Variants in KCNIP4 observed in about 807,000 individuals in gnomAD.
KCNIP4 encodes potassium voltage-gated channel interacting protein 4.
A neutral mutation model predicts 34.0 loss-of-function variants in KCNIP4; 12 were observed. That is an observed-to-expected ratio of 0.35 (90% CI 0.23 to 0.57). The LOEUF (loss-of-function observed/expected upper bound fraction) is 0.57. KCNIP4 is among the 20% of genes least tolerant of loss of function. The pLI is 0.83. For synonymous variants in KCNIP4, 124 were observed against 102.2 expected (o/e 1.21, Z -1.29); for missense variants, 238 against 311.7 (o/e 0.76, Z 1.78).
intron 1 of KCNIP4, among the ~76,000 whole-genome samples, chr4:21,199,804 A>G (rs1243322473): frequency 6.8e-6 from 1 of 147,488 alleles, no homozygotes; most frequent in African/African-American, 2.6e-5. Flanking sequence ...ATGTCCATCA[A>G]TGATAGACTG....
At chr4:21,304,001 T>C in intron 1 of KCNIP4, 1 of 1,342,126 alleles carries the variant, frequency 7.5e-7, no homozygotes. Flanking sequence ...AGAAGGCTAC[T>C]GCTGGAGAAA....
chr4:21,649,434 T>C (rs774711371), intron 1 of KCNIP4, among the ~76,000 whole-genome samples: 1 of 152,136 alleles, frequency 6.6e-6, no homozygotes, highest in Non-Finnish European at 1.5e-5. Flanking sequence ...GAGAAGGATA[T>C]GTAAGACAGT....
intron 1 of KCNIP4, among the ~76,000 whole-genome samples, chr4:21,286,638 G>A (rs1231415711): frequency 6.6e-6 from 1 of 152,104 alleles, no homozygotes; most frequent in Non-Finnish European, 1.5e-5. Flanking sequence ...TCATTCACTG[G>A]AGAGAAGAGA....
intron 1 of KCNIP4, among the ~76,000 whole-genome samples, chr4:21,128,421 A>G (rs1750791729): frequency 6.6e-6 from 1 of 150,608 alleles, no homozygotes; most frequent in Non-Finnish European, 1.5e-5. Context: ...AACCCCATTC[A>G]GGAAAAAGAG....
intron 1 of KCNIP4, among the ~76,000 whole-genome samples, chr4:21,778,170 A>G (rs919359111): frequency 5.3e-5 from 8 of 151,806 alleles, no homozygotes; most frequent in Non-Finnish European, 8.8e-5. Context: ...AAGGAAGCCA[A>G]ATAGCAAATG....
chr4:21,038,207 C>T (rs1298588852), intron 1 of KCNIP4, among the ~76,000 whole-genome samples: 1 of 151,956 alleles, frequency 6.6e-6, no homozygotes, highest in African/African-American at 2.4e-5. Context: ...GATCTCCTGA[C>T]CTTGTGATCC....
At chr4:21,076,454 C>T (rs1345434138) in intron 1 of KCNIP4, among the ~76,000 whole-genome samples, 2 of 152,002 alleles carry the variant, frequency 1.3e-5, no homozygotes, top group Non-Finnish European at 2.9e-5. Context: ...TGGATATATT[C>T]TTTTCCATGC....
chr4:21,111,953 G>T (rs1455922871), intron 1 of KCNIP4, among the ~76,000 whole-genome samples: 1 of 152,086 alleles, frequency 6.6e-6, no homozygotes, highest in Non-Finnish European at 1.5e-5. Context: ...CAATGATAGA[G>T]CAAAACAGAA....
intron 1 of KCNIP4, among the ~76,000 whole-genome samples, chr4:20,946,326 GAAGAGCTTCC>G: frequency 6.6e-6 from 1 of 152,214 alleles, no homozygotes; most frequent in South Asian, 2.1e-4. Flanking sequence ...AGATAAGGGG[GAAGAGCTTCC>G]CAGGCAATGT....
chr4:20,964,989 T>G (rs552260593), intron 1 of KCNIP4, among the ~76,000 whole-genome samples: 1 of 152,308 alleles, frequency 6.6e-6, no homozygotes, highest in East Asian at 1.9e-4. Flanking sequence ...GCTTACTTTC[T>G]TTCAAGAAAA....
chr4:20,861,363 G>A (rs10516365), intron 2 of KCNIP4, among the ~76,000 whole-genome samples: 3 of 152,114 alleles, frequency 2.0e-5, no homozygotes, highest in Non-Finnish European at 4.4e-5. Context: ...TGCACATGGA[G>A]AGTATAGAAG....
chr4:20,806,663 A>G (rs1378032340), intron 3 of KCNIP4, among the ~76,000 whole-genome samples: 1 of 152,082 alleles, frequency 6.6e-6, no homozygotes, highest in Non-Finnish European at 1.5e-5. Flanking sequence ...AACCATGCTT[A>G]GGGCTAAAAA....
At chr4:20,731,979 G>T (rs780200534) in intron 8 of KCNIP4, 27 bp downstream of exon 8, 2 of 1,612,172 alleles carry the variant, frequency 1.2e-6, no homozygotes, top group Non-Finnish European at 1.7e-6. Context: ...TAGCTGAATT[G>T]ATAGTTATTA....
At chr4:21,189,733 T>C (rs998639163) in intron 1 of KCNIP4, among the ~76,000 whole-genome samples, 1 of 152,252 alleles carries the variant, frequency 6.6e-6, no homozygotes, top group Non-Finnish European at 1.5e-5. Flanking sequence ...TGAAAAATTA[T>C]GACCATAGAA....
At chr4:20,992,487 C>A (rs1471021436) in intron 1 of KCNIP4, among the ~76,000 whole-genome samples, 1 of 152,102 alleles carries the variant, frequency 6.6e-6, no homozygotes, top group Non-Finnish European at 1.5e-5. Context: ...CACAGCCAAA[C>A]CATATCAAGA....
chr4:21,392,520 C>T (rs1217401958), intron 1 of KCNIP4, among the ~76,000 whole-genome samples: 3 of 152,134 alleles, frequency 2.0e-5, no homozygotes, highest in Non-Finnish European at 1.5e-5. Context: ...ATGGGGGCTT[C>T]GTGAAGGCAC....
At chr4:21,782,058 T>TA (rs1719607986) in intron 1 of KCNIP4, among the ~76,000 whole-genome samples, 1 of 150,480 alleles carries the variant, frequency 6.6e-6, no homozygotes, top group Non-Finnish European at 1.5e-5. Flanking sequence ...GAGAGAAAAA[T>TA]AAAAAAGCAA....
intron 3 of KCNIP4, among the ~76,000 whole-genome samples, chr4:20,803,717 GA>G (rs1714680974): frequency 1.5e-5 from 2 of 130,986 alleles, no homozygotes; most frequent in Admixed American, 8.3e-5. Context: ...GAGAGAGAGA[GA>G]GAGAGAGAGA....
At chr4:21,602,933 T>C (rs1577675442) in intron 1 of KCNIP4, among the ~76,000 whole-genome samples, 1 of 152,318 alleles carries the variant, frequency 6.6e-6, no homozygotes, top group African/African-American at 2.4e-5. Context: ...ATGAATAAGA[T>C]ATAATGTCCA....
Sources: gnomAD v4.1 joint callset for allele counts (sites outside exome capture counted in the v4.1 genomes callset) on GRCh38, gnomAD v4.1.1 for gene constraint, MANE v1.5 for transcripts, NCBI Gene and HGNC (gene_info 2026-07-23, HGNC 2026-07-21) for gene names.